PBX1: variants seen among roughly 807,000 people sequenced by gnomAD.
The protein encoded by PBX1 is pre-B-cell leukemia transcription factor 1.
In PBX1, 6 loss-of-function variants were observed where a neutral mutation model predicts 53.4. The observed-to-expected ratio is 0.11, with a 90% CI of 0.06 to 0.22. The LOEUF is 0.22. Ranked by LOEUF, PBX1 falls within the 10% of genes least tolerant of loss-of-function variation. The pLI is 1.00. For missense variants in PBX1, 251 were observed against 551.4 expected (o/e 0.46, Z 5.46); for synonymous variants, 204 against 212.3 (o/e 0.96, Z 0.34).
At chr1:164,616,631 G>C (rs948101322) in intron 2 of PBX1, among the ~76,000 whole-genome samples, 3 of 152,096 alleles carry the variant, frequency 2.0e-5, no homozygotes, top group Non-Finnish European at 4.4e-5. Context: ...TGAAGGTTAA[G>C]AGGCATATTC....
intron 2 of PBX1, among the ~76,000 whole-genome samples, chr1:164,709,562 G>A (rs74117993): frequency 0.014 from 2,193 of 152,148 alleles, 56 homozygotes; most frequent in African/African-American, 0.051. Flanking sequence ...AGAGGACCGA[G>A]TTTAAGACCA....
downstream of PBX1, among the ~76,000 whole-genome samples, chr1:164,853,490 AAAG>A (rs1329273056): frequency 6.6e-6 from 1 of 152,220 alleles, no homozygotes; most frequent in Non-Finnish European, 1.5e-5. Flanking sequence ...TACTCTTCAC[AAAG>A]AAGATCAAGA....
At chr1:164,767,533 C>T (rs947737896) in intron 2 of PBX1, among the ~76,000 whole-genome samples, 3 of 151,988 alleles carry the variant, frequency 2.0e-5, no homozygotes, top group African/African-American at 7.3e-5. Flanking sequence ...TCCTAAGTAC[C>T]AGGAACGTGT....
At chr1:164,743,452 C>A (rs935705596) in intron 2 of PBX1, among the ~76,000 whole-genome samples, 2 of 152,108 alleles carry the variant, frequency 1.3e-5, no homozygotes, top group African/African-American at 4.8e-5. Flanking sequence ...CTGTTGGAAG[C>A]GATGTGTTTC....
At chr1:164,742,950 A>G (rs943820045) in intron 2 of PBX1, among the ~76,000 whole-genome samples, 3 of 152,224 alleles carry the variant, frequency 2.0e-5, no homozygotes, top group African/African-American at 7.2e-5. Context: ...AATAGAGCAG[A>G]GATGTCATGG....
chr1:164,789,772 G>T (rs1365301098), intron 2 of PBX1, among the ~76,000 whole-genome samples: 1 of 152,206 alleles, frequency 6.6e-6, no homozygotes, highest in African/African-American at 2.4e-5. Flanking sequence ...TTAACACCCA[G>T]CTGAAGGGTT....
chr1:164,718,527 G>A lies in PBX1; in HGVS notation c.266-73967G>A, dbSNP rs146163938. On this transcript the variant is annotated intron_variant, in intron 2 of 8. Transcript: ENST00000420696. ...GGTATTTAAGATTTGGGTGACAAAT[G>A]GAGTGTTCAAAATGGTTCTGTGGAA... Among the ~76,000 whole-genome samples, 50 of 152,278 alleles carry A rather than the reference G, an allele frequency of 3.3e-4. 1 individual carries two copies. In the East Asian group the frequency reaches 9.5e-3, roughly 29 times the overall value.
intron 2 of PBX1, chr1:164,674,857 C>G (rs201766854): frequency 2.3e-5 from 2 of 88,286 alleles, no homozygotes; most frequent in African/African-American, 7.2e-5. Flanking sequence ...GCCCCCCCCC[C>G]CCCCCACCCA....
intron 8 of PBX1, among the ~76,000 whole-genome samples, chr1:164,822,750 T>C (rs1670222928): frequency 1.3e-5 from 2 of 152,228 alleles, no homozygotes; most frequent in South Asian, 4.1e-4. Context: ...ATGCTAACAC[T>C]ATTAGATTCA....
At chr1:164,655,559 C>T (rs1299296198) in intron 2 of PBX1, among the ~76,000 whole-genome samples, 3 of 152,088 alleles carry the variant, frequency 2.0e-5, no homozygotes, top group African/African-American at 7.2e-5. Context: ...CAAGGATGAC[C>T]ACCATTTCTT....
intron 2 of PBX1, among the ~76,000 whole-genome samples, chr1:164,697,145 C>T (rs537295833): frequency 1.3e-4 from 20 of 152,136 alleles, no homozygotes; most frequent in Non-Finnish European, 2.2e-4. Context: ...TTCATTATCT[C>T]GTTTAATCCT....
At chr1:164,732,476 T>C (rs948927900) in intron 2 of PBX1, among the ~76,000 whole-genome samples, 5 of 152,154 alleles carry the variant, frequency 3.3e-5, no homozygotes, top group African/African-American at 1.2e-4. Flanking sequence ...TGACATTGCC[T>C]TCTAGTTCAT....
chr1:164,792,454 G>T lies in PBX1; in HGVS notation c.266-40G>T, dbSNP rs757803669. ...TGTTGTGTTTTTTATTTTCTTTCTT[G>T]GGTTACTATTAACGCTCCCTTCCCT... On this transcript the variant is annotated intron_variant, in intron 2 of 8. Transcript: ENST00000420696. 1.2e-6 allele frequency: 2 copies of T among 1,608,874 alleles called. No individual in the cohort carries two copies. Among genetic ancestry groups the T allele is most frequent in the Non-Finnish European group, 1.7e-6 (2 of 1,178,338 alleles).
intron 2 of PBX1, among the ~76,000 whole-genome samples, chr1:164,689,205 C>T (rs1385289144): frequency 6.6e-6 from 1 of 152,204 alleles, no homozygotes; most frequent in Non-Finnish European, 1.5e-5. Flanking sequence ...ATGAAATATA[C>T]ATCAAAACAT....
At chr1:164,870,241 C>T (rs980509675) in intron 2 of PBX1, among the ~76,000 whole-genome samples, 1 of 54,368 alleles carries the variant, frequency 1.8e-5, no homozygotes. Flanking sequence ...TTCCTTCCTT[C>T]CTTCCTTCCT....
chr1:164,569,092 C>T (rs897203154), intron 2 of PBX1, among the ~76,000 whole-genome samples: 2 of 152,194 alleles, frequency 1.3e-5, no homozygotes, highest in Non-Finnish European at 2.9e-5. Flanking sequence ...ATACCTCACA[C>T]TCTGTGCTAG....
chr1:164,828,160 T>G (rs920700145), intron 8 of PBX1, among the ~76,000 whole-genome samples: 1 of 152,242 alleles, frequency 6.6e-6, no homozygotes, highest in Non-Finnish European at 1.5e-5. Context: ...CATTATTTTG[T>G]AGAAACTGCT....
chr1:164,795,571 T>C (rs1668738365), intron 3 of PBX1, among the ~76,000 whole-genome samples: 1 of 152,208 alleles, frequency 6.6e-6, no homozygotes, highest in Non-Finnish European at 1.5e-5. Flanking sequence ...ATATCATCTA[T>C]TTGTTTATAT....
At chr1:164,579,400 T>G (rs1654463230) in intron 2 of PBX1, among the ~76,000 whole-genome samples, 3 of 152,230 alleles carry the variant, frequency 2.0e-5, no homozygotes, top group African/African-American at 4.8e-5. Flanking sequence ...TAATGCTCTT[T>G]GAGGCCTTGT....
Sources: allele counts gnomAD v4.1 joint callset (sites outside exome capture counted in the v4.1 genomes callset), GRCh38; gene constraint gnomAD v4.1.1; transcripts MANE v1.5; gene names NCBI Gene and HGNC (gene_info 2026-07-23, HGNC 2026-07-21).